MTUS2: variants seen among roughly 807,000 people sequenced by gnomAD.
The protein encoded by MTUS2 is microtubule associated scaffold protein 2.
In MTUS2, 40 loss-of-function variants were observed where a neutral mutation model predicts 114.1. The ratio of observed to expected loss-of-function variants is 0.35; its 90% CI spans 0.27 to 0.46. The LOEUF is 0.46. Ranked by LOEUF, MTUS2 falls within the 20% of genes least tolerant of loss-of-function variation. MTUS2 has a pLI of 1.00. For missense variants in MTUS2, 1,679 were observed against 1,705.4 expected (o/e 0.98, Z 0.27); for synonymous variants, 688 against 672.0 (o/e 1.02, Z -0.37).
chr13:29,306,938 G>A lies in MTUS2; in HGVS notation c.2807-17675G>A, dbSNP rs533479850. The A allele has an allele frequency of 2.2e-4, 122 of 542,714 alleles. 2 individuals are homozygous for A. The highest frequency in any genetic ancestry group is 2.0e-3 in the Admixed American group (103 of 52,260). 33.6% of individuals were successfully genotyped at this position (542,714 alleles called of 1,614,324 possible). On this transcript the variant is annotated intron_variant, in intron 6 of 15. Coordinates refer to ENST00000612955, the MANE Select transcript of MTUS2 (RefSeq NM_001033602.4). ...ATGTTCCAGTATGGTTCTACCCATG[G>A]CAAATTCCATGGCACTGTCAAGGCT... is the stretch of plus-strand genomic sequence containing the variant.
chr13:29,197,712 C>T (rs1323036882), intron 5 of MTUS2, among the ~76,000 whole-genome samples: 1 of 152,184 alleles, frequency 6.6e-6, no homozygotes, highest in Non-Finnish European at 1.5e-5. Flanking sequence ...CACATCCTCT[C>T]CAGCATCTGT....
In MTUS2 at chr13:29,323,944, C is replaced by T. The variant is rs147088375; in HGVS notation, c.2807-669C>T. Among the ~76,000 whole-genome samples, 1,097 of 152,274 alleles carry T rather than the reference C, an allele frequency of 7.2e-3. 4 individuals carry two copies. Among genetic ancestry groups the T allele is most frequent in the Non-Finnish European group, 0.01 (706 of 68,032 alleles). ...CACTGCTGTTTGACTTTCTGACAAA[C>T]GTGACGTGAAGGTGAGCACTGTGCC... is the stretch of plus-strand genomic sequence containing the variant. On this transcript the variant is annotated intron_variant, in intron 6 of 15. Transcript: ENST00000612955.
At chr13:28,851,870 GGTGT>G (rs1876298982) in intron 2 of MTUS2, among the ~76,000 whole-genome samples, 1 of 152,136 alleles carries the variant, frequency 6.6e-6, no homozygotes, top group Admixed American at 6.5e-5. Context: ...TGGCATTGTA[GGTGT>G]GTGCTGTTTC....
intron 6 of MTUS2, among the ~76,000 whole-genome samples, chr13:29,315,823 T>C (rs1899965343): frequency 6.6e-6 from 1 of 151,578 alleles, no homozygotes; most frequent in South Asian, 2.1e-4. Flanking sequence ...ATAGTCTGAG[T>C]TGTAGATATG....
intron 2 of MTUS2, among the ~76,000 whole-genome samples, chr13:28,946,259 C>T (rs966390744): frequency 1.5e-5 from 2 of 136,716 alleles, no homozygotes; most frequent in African/African-American, 2.7e-5. Flanking sequence ...CCTGGTATCT[C>T]TCTTTCTGTC....
In MTUS2 at chr13:29,487,213, T is replaced by G. The variant is rs191159062; in HGVS notation, c.3400-687T>G. Among the ~76,000 whole-genome samples the G allele has an allele frequency of 8.5e-4, 130 of 152,238 alleles. No individual in the cohort carries two copies. The East Asian group carries it at 0.02, about 24-fold the overall frequency. ...CAGACCTGCCAGCCTCACCTGGTAT[T>G]GGCGAGAGAATCCTAAGGTGTTCGT... On this transcript the variant is annotated intron_variant, in intron 10 of 15. Transcript: ENST00000612955.
rs1038438800 is a variant in MTUS2, at chr13:29,307,840, C to T, written c.2807-16773C>T. On this transcript the variant is annotated intron_variant, in intron 6 of 15. Transcript: ENST00000612955. The stretch of plus-strand genomic sequence containing the variant: ...CACAAGAGGAAGAGAGAGGCCTTCA[C>T]TGCTGGGGGACACTTAGTCCCCCTC... 3.3e-5 allele frequency: 23 copies of T among 702,266 alleles called. No homozygotes were observed. The African/African-American group carries it at 3.8e-4, about 12-fold the overall frequency. The allele number at this position is 702,266 out of a possible 1,614,324, so 43.5% of individuals were successfully genotyped here.
At chr13:29,400,308 G>A (rs1874227284) in intron 8 of MTUS2, among the ~76,000 whole-genome samples, 1 of 152,162 alleles carries the variant, frequency 6.6e-6, no homozygotes, top group Admixed American at 6.5e-5. Context: ...TATATAAGTG[G>A]TCAGCGGTGT....
At chr13:28,849,129 C>T (rs1876082628) in intron 2 of MTUS2, among the ~76,000 whole-genome samples, 1 of 152,180 alleles carries the variant, frequency 6.6e-6, no homozygotes, top group Admixed American at 6.5e-5. Context: ...GTAACCTAGT[C>T]CACAATTCAT....
intron 2 of MTUS2, among the ~76,000 whole-genome samples, chr13:28,959,483 G>T (rs1883223372): frequency 6.6e-6 from 1 of 152,170 alleles, no homozygotes; most frequent in Non-Finnish European, 1.5e-5. Context: ...TATAAACTGG[G>T]TAATTTATAA....
At chr13:29,047,512 CTTT>C (rs11367692) in intron 4 of MTUS2, among the ~76,000 whole-genome samples, 3 of 135,768 alleles carry the variant, frequency 2.2e-5, no homozygotes, top group Non-Finnish European at 1.6e-5. Context: ...AAAATTTACT[CTTT>C]TTTTTTTTTT....
In MTUS2 at chr13:29,496,215, T is replaced by G. The variant is rs1440187337; in HGVS notation, c.3580-1023T>G. The G allele has an allele frequency of 6.6e-6, 1 of 152,372 alleles. No homozygotes were observed. Among genetic ancestry groups the G allele is most frequent in the Non-Finnish European group, 1.5e-5 (1 of 68,164 alleles). The allele number at this position is 152,372 out of a possible 1,614,324, so 9.4% of individuals were successfully genotyped here. On this transcript the variant is annotated intron_variant, in intron 12 of 15. Transcript: ENST00000612955. The surrounding 1 kb of genome is among the most constrained non-coding windows in gnomAD (Gnocchi z 4.3). ...TGCAGTGTCTCCATAGACATGCCTGTATTCCTTCAGCCTGCAGGTGGAGAG... is the reference window on the plus strand; with the variant it reads ...TGCAGTGTCTCCATAGACATGCCTGGATTCCTTCAGCCTGCAGGTGGAGAG...
chr13:29,176,800 G>A (rs952741489), intron 5 of MTUS2, among the ~76,000 whole-genome samples: 1 of 148,084 alleles, frequency 6.8e-6, no homozygotes, highest in Admixed American at 6.6e-5. Flanking sequence ...CATGATAACA[G>A]CTCTTCGTGA....
At chr13:29,497,188 G>A in intron 12 of MTUS2, 50 bp from the exon 13 acceptor site, 2 of 1,520,710 alleles carry the variant, frequency 1.3e-6, no homozygotes, top group Non-Finnish European at 1.8e-6. Flanking sequence ...GGCTGTGGTG[G>A]CTGCTGTCTG....
Position 29,048,714 on chromosome 13 carries a change from C to G in MTUS2, c.2446+14589C>G, listed in dbSNP as rs568659208. Among the ~76,000 whole-genome samples, 4 of 152,348 alleles carry G rather than the reference C, an allele frequency of 2.6e-5. No homozygotes were observed. In the South Asian group the frequency reaches 8.3e-4, roughly 32 times the overall value. ...CAAACCCCTGGGCTCAAGCAGTCCT[C>G]TTGCCTCAGCCTTCCAAAGTTCTGG... is the stretch of plus-strand genomic sequence containing the variant. On this transcript the variant is annotated intron_variant, in intron 4 of 15. Transcript: ENST00000612955.
intron 5 of MTUS2, among the ~76,000 whole-genome samples, chr13:29,162,843 T>C (rs1257748686): frequency 6.6e-6 from 1 of 152,190 alleles, no homozygotes; most frequent in Non-Finnish European, 1.5e-5. Flanking sequence ...AATCTAGGAC[T>C]TCGTATGCCC....
chr13:28,889,601 G>A (rs1878796526), intron 2 of MTUS2, among the ~76,000 whole-genome samples: 1 of 152,090 alleles, frequency 6.6e-6, no homozygotes, highest in African/African-American at 2.4e-5. Flanking sequence ...ATAGAGTGGT[G>A]CTTTATGACG....
At chr13:29,091,098 G>C (rs1237406187) in intron 4 of MTUS2, among the ~76,000 whole-genome samples, 1 of 151,918 alleles carries the variant, frequency 6.6e-6, no homozygotes, top group Non-Finnish European at 1.5e-5. Flanking sequence ...ATCAGCCCCA[G>C]GGTCTGTATC....
chr13:29,419,875 T>C lies in MTUS2; in HGVS notation c.3118-20108T>C, dbSNP rs1875949419. Among the ~76,000 whole-genome samples, 4 of 152,220 alleles carry C rather than the reference T, an allele frequency of 2.6e-5. No homozygotes were observed. The South Asian group carries it at 8.3e-4, about 32-fold the overall frequency. On this transcript the variant is annotated intron_variant, in intron 8 of 15. Transcript: ENST00000612955. ...GAGCAACCAGCCAACATCATTATGT[T>C]CATTAATTAAACAAAAAATTGAAAC... is the stretch of plus-strand genomic sequence containing the variant.
Sources: allele counts gnomAD v4.1 joint callset (sites outside exome capture counted in the v4.1 genomes callset), GRCh38; gene constraint gnomAD v4.1.1; non-coding constraint Gnocchi (gnomAD v3.1); transcripts MANE v1.5; gene names NCBI Gene and HGNC (gene_info 2026-07-23, HGNC 2026-07-21).